The following OVCH2 variants were observed in gnomAD, a reference collection of about 807,000 sequenced individuals.
OVCH2 encodes the protein ovochymase-2.
Under a neutral mutation model 73.7 loss-of-function variants are expected in OVCH2, and 88 were observed. That is an observed-to-expected ratio of 1.19 (90% confidence interval 1.01 to 1.43). OVCH2 has a LOEUF of 1.43. OVCH2 is among the 40% of genes most tolerant of loss of function. The pLI is 0.00. For missense variants in OVCH2, 706 were observed against 674.5 expected (o/e 1.05, Z -0.52); for synonymous variants, 265 against 234.5 (o/e 1.13, Z -1.19).
At chr11:7,703,857 G>T in intron 2 of OVCH2, 68 bp from the exon 3 acceptor site, 8 of 1,244,304 alleles carry the variant, frequency 6.4e-6, no homozygotes, top group Non-Finnish European at 8.0e-6. Flanking sequence ...CGGTGATGAA[G>T]CCTATTCTCA....
intron 2 of OVCH2, 86 bp from the exon 3 acceptor site, chr11:7,703,875 A>C (rs1856488479): frequency 4.0e-6 from 4 of 1,003,156 alleles, no homozygotes; most frequent in Non-Finnish European, 6.1e-6. Context: ...TCAAAACCAG[A>C]CTCAGATATC....
In OVCH2 at chr11:7,706,208, C is replaced by T. The variant is rs1856527123; in HGVS notation, c.88+99G>A. On this transcript the variant is annotated intron_variant, in intron 1 of 15. Transcript: ENST00000533663. Reference sequence around the variant, plus strand: ...TTAGATATCCAAAATATATTTGCTTCTCCTATTTTCCCAAAGGAACATGGA... The same window carrying T: ...TTAGATATCCAAAATATATTTGCTTTTCCTATTTTCCCAAAGGAACATGGA... The T allele has an allele frequency of 3.3e-6, 4 of 1,211,112 alleles. No homozygotes were observed. The South Asian group carries it at 6.0e-5, about 18-fold the overall frequency. 75.0% of individuals were successfully genotyped at this position (1,211,112 alleles called of 1,614,324 possible). A position where few individuals can be genotyped will look rare whatever the true frequency, so the allele number is the denominator to read the frequency against.
chr11:7,697,509 T>G (rs1856359724), intron 8 of OVCH2, among the ~76,000 whole-genome samples: 1 of 152,212 alleles, frequency 6.6e-6, no homozygotes, highest in Admixed American at 6.5e-5. Context: ...CCTGATTTTT[T>G]ATGACGGTTT....
rs753399405 is a variant in OVCH2 at position 7,695,088 on chromosome 11, A to G, written c.1383T>C (p.Ile461=). 1.4e-4 allele frequency: 213 copies of G among 1,551,120 alleles called. 1 individual carries two copies. The highest frequency in any genetic ancestry group is 6.6e-4 in the Middle Eastern group (4 of 6,018). The change falls in exon 12 of 16, where the codon ATT becomes ATC. Residue 461 remains isoleucine, a synonymous_variant. Coordinates refer to ENST00000533663, the MANE Select transcript of OVCH2 (RefSeq NM_198185.7). Reference sequence around the variant, plus strand: ...TTAGGTGATGTTTGGAGGCTTGAAAAATCCAGTCACAGTTAGCCTTGTCAC... The same window carrying G: ...TTAGGTGATGTTTGGAGGCTTGAAAGATCCAGTCACAGTTAGCCTTGTCAC... ...NYSDKANCDW[I]FQASKHHLIK...
Position 7,701,773 on chromosome 11 carries a change from C to T in OVCH2, c.502G>A (p.Glu168Lys). 1 of 1,612,470 alleles carries T rather than the reference C, an allele frequency of 6.2e-7. No individual in the cohort carries two copies. Among genetic ancestry groups the T allele is most frequent in the Non-Finnish European group, 8.5e-7 (1 of 1,179,432 alleles). The part of the protein sequence containing the change: ...VGPICLPELR[E>K]QFEAGFICTT... Reference sequence around the variant, plus strand: ...CAAATAAAACCAGCCTCAAATTGCTCCCGCAGCTCTGGAAGACATATGGGC... The same window carrying T: ...CAAATAAAACCAGCCTCAAATTGCTTCCGCAGCTCTGGAAGACATATGGGC... The change falls in exon 5 of 16, where the codon GAG becomes AAG. Residue 168 changes from glutamate (E) to lysine (K), a missense_variant. Transcript: ENST00000533663.
At chr11:7,686,060 C>G (rs919690444), downstream of OVCH2, among the ~76,000 whole-genome samples, 1 of 152,174 alleles carries the variant, frequency 6.6e-6, no homozygotes, top group Non-Finnish European at 1.5e-5. Context: ...CTTTGTGTGG[C>G]TGAATCAGTC....
At chr11:7,686,681 A>G (rs905122417), downstream of OVCH2, among the ~76,000 whole-genome samples, 1 of 152,242 alleles carries the variant, frequency 6.6e-6, no homozygotes, top group African/African-American at 2.4e-5. Flanking sequence ...GAAACTAAGA[A>G]AGGAGAGCCC....
chr11:7,688,587 C>A (rs199564860), downstream of OVCH2, among the ~76,000 whole-genome samples: 2 of 151,938 alleles, frequency 1.3e-5, no homozygotes, highest in African/African-American at 2.4e-5. Context: ...TTTTCATTCC[C>A]GACTCTCTCT....
In OVCH2 at chr11:7,704,385, GACTT is replaced by G. The variant is rs201462630; in HGVS notation, c.198+176_198+179del. On this transcript the variant is annotated intron_variant, in intron 2 of 15. Coordinates refer to ENST00000533663, the MANE Select transcript of OVCH2 (RefSeq NM_198185.7). ...GTGATACTTGATTTGATTCTAAAAT[GACTT>G]ACTATGTACAAGTAAATACTTTTTC... 4.9e-4 allele frequency among the ~76,000 whole-genome samples: 75 copies of G among 152,212 alleles called. 2 individuals carry two copies. In the East Asian group the frequency reaches 7.7e-3, roughly 16 times the overall value.
At chr11:7,691,471 A>T in intron 13 of OVCH2, 71 bp from the exon 14 acceptor site, 1 of 1,520,168 alleles carries the variant, frequency 6.6e-7, no homozygotes, top group Non-Finnish European at 8.8e-7. Flanking sequence ...GGAGAGAAGA[A>T]AAAAAGAAAA....
chr11:7,698,320 A>G (rs1366516548), intron 8 of OVCH2, among the ~76,000 whole-genome samples: 1 of 152,170 alleles, frequency 6.6e-6, no homozygotes, highest in Non-Finnish European at 1.5e-5. Flanking sequence ...TCTGGCCCAC[A>G]CTATTTTCTT....
downstream of OVCH2, among the ~76,000 whole-genome samples, chr11:7,685,707 C>A (rs1856134958): frequency 7.3e-6 from 1 of 137,272 alleles, no homozygotes; most frequent in Non-Finnish European, 1.6e-5. Flanking sequence ...CTAATTATTG[C>A]AGGATATCTT....
chr11:7,695,337 G>A, intron 11 of OVCH2, 149 bp from the exon 12 acceptor site: 3 of 1,088,128 alleles, frequency 2.8e-6, no homozygotes, highest in Non-Finnish European at 2.6e-6. Context: ...TGATTCTCCA[G>A]AACTCATCAG....
intron 8 of OVCH2, among the ~76,000 whole-genome samples, chr11:7,698,106 A>G (rs1856370141): frequency 6.6e-6 from 1 of 152,160 alleles, no homozygotes; most frequent in African/African-American, 2.4e-5. Context: ...TTTCCACTTG[A>G]CAAAATCCTA....
At chr11:7,689,714 T>C (rs1056259156) in intron 15 of OVCH2, 112 bp from the exon 16 acceptor site, 10 of 650,354 alleles carry the variant, frequency 1.5e-5, no homozygotes, top group African/African-American at 8.9e-5. Flanking sequence ...ACACTAGTCA[T>C]ACTGGATTAG....
In OVCH2 at chr11:7,691,954, G is replaced by T. The variant is rs548874578; in HGVS notation, c.1455C>A (p.Cys485Ter). 3.8e-6 allele frequency: 6 copies of T among 1,578,180 alleles called. No homozygotes were observed. The highest frequency in any genetic ancestry group is 4.3e-6 in the Non-Finnish European group (5 of 1,160,426). Residue 485 changes from cysteine (C) to a stop codon, truncating the protein, a stop_gained, in exon 13 of 16, where the codon TGC (cysteine) becomes TGA (stop). Transcript: ENST00000533663. LOFTEE classifies it high-confidence loss of function. ...QSLEIEESGD[C>*]TSDYVTVHSD... Reference sequence around the variant, plus strand: ...TGTGCACTGTCACATAGTCGGAAGTGCAGTCTCCACTTTCTTCTATTTCCA... The same window carrying T: ...TGTGCACTGTCACATAGTCGGAAGTTCAGTCTCCACTTTCTTCTATTTCCA...
intron 12 of OVCH2, among the ~76,000 whole-genome samples, chr11:7,693,672 C>T (rs984404800): frequency 1.3e-5 from 2 of 152,170 alleles, no homozygotes; most frequent in East Asian, 3.8e-4. Context: ...ATTTTTGCCC[C>T]AAATCTGTTT....
rs555879998 is a variant in OVCH2 at position 7,695,768 on chromosome 11, A to G, written c.1142-58T>C. ...GAATCTAGAAAATAGTTCCCATTCA[A>G]TGATTTAAGAAGAACTGAATTTGCC... is the stretch of plus-strand genomic sequence containing the variant. On this transcript the variant is annotated intron_variant, in intron 10 of 15. Transcript: ENST00000533663. 4.3e-5 allele frequency: 67 copies of G among 1,550,798 alleles called. No individual in the cohort carries two copies. The African/African-American group carries it at 9.1e-4, about 21-fold the overall frequency.
chr11:7,687,692 A>G (rs1856157708), downstream of OVCH2, among the ~76,000 whole-genome samples: 1 of 151,970 alleles, frequency 6.6e-6, no homozygotes. Context: ...ATTTTTCATC[A>G]TTGACACCTC....
Sources: allele counts gnomAD v4.1 joint callset (sites outside exome capture counted in the v4.1 genomes callset), GRCh38; gene constraint gnomAD v4.1.1; transcripts MANE v1.5; gene names NCBI Gene and HGNC (gene_info 2026-07-23, HGNC 2026-07-21).